The following SCN10A variants were observed in gnomAD, a reference collection of about 807,000 sequenced individuals.
SCN10A encodes the protein sodium voltage-gated channel alpha subunit 10.
A neutral mutation model predicts 170.7 loss-of-function variants in SCN10A; 162 were observed. The observed-to-expected ratio is 0.95, with a 90% CI of 0.84 to 1.08. The LOEUF (loss-of-function observed/expected upper bound fraction) is 1.08. Among genes scored for constraint, SCN10A ranks in the 50% least tolerant of loss-of-function variants. The pLI is 0.00. For missense variants in SCN10A, 2,527 were observed against 2,436.9 expected (o/e 1.04, Z -0.78); for synonymous variants, 985 against 904.6 (o/e 1.09, Z -1.59).
chr3:38,788,871 GA>G, intron 4 of SCN10A, 84 bp downstream of exon 4: 1 of 822,402 alleles, frequency 1.2e-6, no homozygotes, highest in Non-Finnish European at 2.1e-6. Flanking sequence ...GGCATGGCAG[GA>G]TAAATAAAAG....
At chr3:38,757,273 C>T (rs2063819487) in intron 8 of SCN10A, 114 bp from the exon 9 acceptor site, 1 of 1,014,686 alleles carries the variant, frequency 9.9e-7, no homozygotes, top group Non-Finnish European at 1.4e-6. Context: ...CCTAGTCTTC[C>T]TCTTATTAGC....
chr3:38,706,144 C>T (rs1166492420), intron 26 of SCN10A, among the ~76,000 whole-genome samples: 2 of 152,186 alleles, frequency 1.3e-5, no homozygotes, highest in Admixed American at 6.5e-5. Context: ...AAATTCATGA[C>T]CACTATTTCA....
At chr3:38,804,661 A>G (rs533474919) in intron 1 of SCN10A, among the ~76,000 whole-genome samples, 5 of 152,272 alleles carry the variant, frequency 3.3e-5, no homozygotes, top group African/African-American at 9.6e-5. Flanking sequence ...AAGAGGAAGC[A>G]CATGTAGCTG....
chr3:38,791,525 C>T (rs2064280851), intron 3 of SCN10A, among the ~76,000 whole-genome samples: 1 of 152,180 alleles, frequency 6.6e-6, no homozygotes, highest in Non-Finnish European at 1.5e-5. Context: ...AATGAGGTCC[C>T]ATTGAGACTA....
chr3:38,725,352 C>T, intron 17 of SCN10A, 38 bp from the exon 18 acceptor site: 3 of 1,526,016 alleles, frequency 2.0e-6, no homozygotes, highest in Non-Finnish European at 8.9e-7. Flanking sequence ...CCTGGCCCCA[C>T]CCTTAGATGA....
At chr3:38,776,805 G>A (rs190178542) in intron 4 of SCN10A, among the ~76,000 whole-genome samples, 153 of 152,100 alleles carry the variant, frequency 1.0e-3, no homozygotes, top group Non-Finnish European at 1.7e-3. Flanking sequence ...TTACAGGCCA[G>A]CCTCATTTAG....
chr3:38,712,318 A>G lies in SCN10A; in HGVS notation c.3932T>C (p.Ile1311Thr). Reference protein sequence around the residue: ...NLFAGKFWRCINYTDGEFSLV... With the variant: ...NLFAGKFWRCTNYTDGEFSLV... ...GGAAAACTCTCCATCGGTATAGTTG[A>G]TGCACCTCCAAAACTTCCCTGCGAA... is the stretch of plus-strand genomic sequence containing the variant. Residue 1311 changes from isoleucine (I) to threonine (T), a missense_variant, in exon 23 of 28, where the codon ATC (isoleucine) becomes ACC (threonine). Physicochemically the swap from Ile to Thr is moderately conservative, Grantham distance 89. Transcript: ENST00000449082. 1 of 1,614,234 alleles carries G rather than the reference A, an allele frequency of 6.2e-7. No individual in the cohort carries two copies. The highest frequency in any genetic ancestry group is 1.3e-5 in the African/African-American group (1 of 75,048).
rs947319524 is a variant in SCN10A at position 38,697,669 on chromosome 3, C to T, written c.5551G>A (p.Glu1851Lys). ...PIATTLRWKQ[E>K]DISATVIQKA... is the part of the protein sequence containing the mutation. ...TGAATGACAGTGGCTGAAATGTCTT[C>T]TTGCTTCCATCGGAGAGTGGTTGCT... The change falls in exon 28 of 28, where the codon GAA becomes AAA. Residue 1851 changes from glutamate (E) to lysine (K), a missense_variant. By Grantham distance (56) the Glu-to-Lys change is moderately conservative. Coordinates refer to ENST00000449082, the MANE Select transcript of SCN10A (RefSeq NM_006514.4). The T allele has an allele frequency of 6.2e-7, 1 of 1,614,178 alleles. No individual in the cohort carries two copies. Among genetic ancestry groups the T allele is most frequent in the African/African-American group, 1.3e-5 (1 of 75,028 alleles).
chr3:38,774,839 A>C (rs2064052404), intron 4 of SCN10A, among the ~76,000 whole-genome samples: 1 of 152,230 alleles, frequency 6.6e-6, no homozygotes, highest in Non-Finnish European at 1.5e-5. Context: ...AGAGATGTAC[A>C]CTAAGTGACC....
At position 38,763,485 on chromosome 3, in the gene SCN10A, C is replaced by A. The variant is rs774068807; in HGVS notation, c.691+20G>T. 6.3e-7 allele frequency: 1 copy of A among 1,584,428 alleles called. No individual in the cohort carries two copies. The highest frequency in any genetic ancestry group is 8.7e-7 in the Non-Finnish European group (1 of 1,152,884). Reference sequence around the variant, plus strand: ...GTTAGGCTGTGAAAACCAACATATGCTCTGTGAATAAATGCTCACCTGGGA... The same window carrying A: ...GTTAGGCTGTGAAAACCAACATATGATCTGTGAATAAATGCTCACCTGGGA... On this transcript the variant is annotated intron_variant, in intron 6 of 27. Transcript: ENST00000449082.
chr3:38,716,022 G>A (rs1175104721), intron 21 of SCN10A, among the ~76,000 whole-genome samples: 1 of 152,086 alleles, frequency 6.6e-6, no homozygotes, highest in Non-Finnish European at 1.5e-5. Context: ...ATGAATTAAA[G>A]GATACAATGA....
intron 4 of SCN10A, among the ~76,000 whole-genome samples, chr3:38,772,533 C>CA (rs1429607855): frequency 5.9e-5 from 9 of 151,874 alleles, no homozygotes; most frequent in African/African-American, 1.9e-4. Flanking sequence ...ACTAAAAATA[C>CA]AAAAAATTAG....
intron 4 of SCN10A, among the ~76,000 whole-genome samples, 185 bp from the exon 5 acceptor site, chr3:38,771,592 G>C (rs989118754): frequency 6.6e-6 from 1 of 152,220 alleles, no homozygotes; most frequent in African/African-American, 2.4e-5. Flanking sequence ...GAGGGAAAAA[G>C]AAGGGCCACA....
intron 1 of SCN10A, among the ~76,000 whole-genome samples, chr3:38,796,697 C>T (rs59116053): frequency 0.12 from 18,073 of 152,144 alleles, 1,133 homozygotes; most frequent in South Asian, 0.19. Flanking sequence ...GGCTAATCCT[C>T]TCTTATTCTT....
intron 14 of SCN10A, among the ~76,000 whole-genome samples, chr3:38,741,402 A>T (rs2063630799): frequency 6.6e-6 from 1 of 152,082 alleles, no homozygotes; most frequent in African/African-American, 2.4e-5. Context: ...TCAAATTCTG[A>T]TGTGGCCACT....
intron 10 of SCN10A, 68 bp downstream of exon 10, chr3:38,756,606 A>G: frequency 7.7e-7 from 1 of 1,295,352 alleles, no homozygotes; most frequent in Non-Finnish European, 1.1e-6. Flanking sequence ...TGAAGTGGCT[A>G]GTCCAGAACA....
intron 4 of SCN10A, among the ~76,000 whole-genome samples, chr3:38,777,768 T>C (rs978366730): frequency 6.6e-6 from 1 of 152,058 alleles, no homozygotes; most frequent in Non-Finnish European, 1.5e-5. Flanking sequence ...ACAGATTCAG[T>C]AGACATGGGA....
At chr3:38,774,057 A>T (rs182182858) in intron 4 of SCN10A, among the ~76,000 whole-genome samples, 2 of 152,154 alleles carry the variant, frequency 1.3e-5, no homozygotes, top group African/African-American at 4.8e-5. Flanking sequence ...TTAAATTATG[A>T]ACATATATGT....
At position 38,792,046 on chromosome 3, in the gene SCN10A, A is replaced by G; in HGVS notation, c.389+4T>C. On this transcript the variant is annotated splice_donor_region_variant and intron_variant, in intron 3 of 27. Transcript: ENST00000449082. ...CGTGGAAGAGGCAATCGTGCAAAGG[A>G]TATGAGTGGACAGACACTTTGATGG... 1 of 1,613,556 alleles carries G rather than the reference A, an allele frequency of 6.2e-7. No individual in the cohort carries two copies.
Sources: allele counts gnomAD v4.1 joint callset (sites outside exome capture counted in the v4.1 genomes callset), GRCh38; gene constraint gnomAD v4.1.1; transcripts MANE v1.5; gene names NCBI Gene and HGNC (gene_info 2026-07-23, HGNC 2026-07-21).